DYNC1I1: variants seen among roughly 807,000 people sequenced by gnomAD.
The protein encoded by DYNC1I1 is dynein cytoplasmic 1 intermediate chain 1.
A neutral mutation model predicts 86.6 loss-of-function variants in DYNC1I1; 43 were observed. The observed-to-expected ratio is 0.50, with a 90% CI of 0.39 to 0.64. The LOEUF is 0.64. Ranked by LOEUF, DYNC1I1 falls within the 30% of genes least tolerant of loss-of-function variation. The pLI is 0.00. For synonymous variants in DYNC1I1, 262 were observed against 283.7 expected (o/e 0.92, Z 0.77); for missense variants, 604 against 788.8 (o/e 0.77, Z 2.81).
chr7:95,921,245 C>T (rs1791602810), intron 6 of DYNC1I1, among the ~76,000 whole-genome samples: 1 of 152,064 alleles, frequency 6.6e-6, no homozygotes, highest in African/African-American at 2.4e-5. Context: ...TAAAATTTAC[C>T]CTGCATATTG....
Position 96,002,895 on chromosome 7 carries a change from G to A in DYNC1I1, c.969+6822G>A, listed in dbSNP as rs148535865. Among the ~76,000 whole-genome samples the A allele has an allele frequency of 4.7e-3, 712 of 151,852 alleles. 9 individuals are homozygous for A. Among genetic ancestry groups the A allele is most frequent in the African/African-American group, 0.016 (657 of 41,360 alleles). ...AATCTTGCTCTGTCATGAGGCTGGCGTACAGCAGCACGATCTCAGCTCACT... is the reference window on the plus strand; with the variant it reads ...AATCTTGCTCTGTCATGAGGCTGGCATACAGCAGCACGATCTCAGCTCACT... On this transcript the variant is annotated intron_variant, in intron 10 of 16. Coordinates refer to ENST00000447467, the MANE Select transcript of DYNC1I1 (RefSeq NM_001135556.2).
intron 1 of DYNC1I1, among the ~76,000 whole-genome samples, chr7:95,792,537 A>G (rs1048767112): frequency 1.3e-5 from 2 of 152,192 alleles, no homozygotes; most frequent in African/African-American, 4.8e-5. Flanking sequence ...TGTTTTGGCC[A>G]GTCAATGTTT....
intron 6 of DYNC1I1, among the ~76,000 whole-genome samples, chr7:95,971,110 G>C (rs1793158292): frequency 1.3e-5 from 2 of 152,174 alleles, no homozygotes; most frequent in African/African-American, 4.8e-5. Context: ...TGTCAGGTGT[G>C]AGGTGCCCCT....
intron 6 of DYNC1I1, among the ~76,000 whole-genome samples, chr7:95,882,101 T>A (rs1790469496): frequency 6.6e-6 from 1 of 152,152 alleles, no homozygotes; most frequent in South Asian, 2.1e-4. Flanking sequence ...TCCAAAACCA[T>A]CTTCTTTCCC....
intron 6 of DYNC1I1, among the ~76,000 whole-genome samples, chr7:95,876,101 A>G (rs1215185160): frequency 6.6e-6 from 1 of 150,964 alleles, no homozygotes; most frequent in Admixed American, 6.5e-5. Context: ...GATCTATTGC[A>G]TGGTGGTCTC....
At chr7:95,778,385 T>A (rs1241427916) in intron 1 of DYNC1I1, among the ~76,000 whole-genome samples, 1 of 152,176 alleles carries the variant, frequency 6.6e-6, no homozygotes, top group African/African-American at 2.4e-5. Context: ...GGTATGCAAA[T>A]GCCAGTTTGA....
chr7:95,851,446 T>G (rs147772451), intron 5 of DYNC1I1, among the ~76,000 whole-genome samples: 7 of 152,208 alleles, frequency 4.6e-5, no homozygotes, highest in Non-Finnish European at 7.3e-5. Context: ...TTTAATATTT[T>G]TAGATCACAG....
chr7:96,053,070 A>G (rs1445757485), intron 14 of DYNC1I1, among the ~76,000 whole-genome samples: 2 of 152,202 alleles, frequency 1.3e-5, no homozygotes, highest in African/African-American at 4.8e-5. Context: ...TGATTGGATT[A>G]TGAATGCACA....
intron 7 of DYNC1I1, 68 bp downstream of exon 7, chr7:95,977,669 G>A: frequency 7.0e-7 from 1 of 1,438,778 alleles, no homozygotes; most frequent in Non-Finnish European, 9.5e-7. Context: ...ACTAATATAA[G>A]AGACTATAGA....
intron 8 of DYNC1I1, among the ~76,000 whole-genome samples, chr7:95,986,792 T>C (rs1230229488): frequency 2.0e-5 from 3 of 151,902 alleles, no homozygotes; most frequent in Non-Finnish European, 2.9e-5. Flanking sequence ...AGCTTGGGAC[T>C]GGTCAAGATG....
At chr7:95,870,086 TAA>T in intron 6 of DYNC1I1, 88 bp downstream of exon 6, 4 of 1,141,400 alleles carry the variant, frequency 3.5e-6, no homozygotes, top group Non-Finnish European at 2.5e-6. Context: ...CCTCTTACCA[TAA>T]GAGCTCTTCA....
chr7:95,982,818 GT>G (rs2115672255), intron 7 of DYNC1I1, among the ~76,000 whole-genome samples: 1 of 152,160 alleles, frequency 6.6e-6, no homozygotes, highest in South Asian at 2.1e-4. Context: ...ACTTAGTAGG[GT>G]TTGTTCCCCT....
At chr7:96,090,229 C>T (rs1163307980) in intron 16 of DYNC1I1, among the ~76,000 whole-genome samples, 2 of 151,760 alleles carry the variant, frequency 1.3e-5, no homozygotes, top group Non-Finnish European at 2.9e-5. Context: ...ACTCTTTCTT[C>T]GGATATTTGT....
At chr7:95,800,411 G>A (rs1283216172) in intron 1 of DYNC1I1, among the ~76,000 whole-genome samples, 3 of 152,104 alleles carry the variant, frequency 2.0e-5, no homozygotes, top group African/African-American at 7.2e-5. Flanking sequence ...GCTATGATGT[G>A]GGGGTGGAGG....
chr7:95,940,473 A>G (rs1322383884), intron 6 of DYNC1I1, among the ~76,000 whole-genome samples: 33 of 151,988 alleles, frequency 2.2e-4, no homozygotes, highest in Non-Finnish European at 4.4e-5. Flanking sequence ...ATAGTCCCAT[A>G]TTTCTTGGAG....
chr7:96,052,979 T>G (rs1470459219), intron 14 of DYNC1I1, among the ~76,000 whole-genome samples: 1 of 152,190 alleles, frequency 6.6e-6, no homozygotes, highest in Non-Finnish European at 1.5e-5. Flanking sequence ...TGATGACTGC[T>G]CTATCAAATT....
At chr7:95,840,305 T>G (rs1468903108) in intron 5 of DYNC1I1, among the ~76,000 whole-genome samples, 1 of 152,172 alleles carries the variant, frequency 6.6e-6, no homozygotes, top group Non-Finnish European at 1.5e-5. Flanking sequence ...GGATTTCCAG[T>G]GAGCTGTCTT....
chr7:96,001,924 T>A (rs1704388736), intron 10 of DYNC1I1, among the ~76,000 whole-genome samples: 2 of 152,194 alleles, frequency 1.3e-5, no homozygotes, highest in Non-Finnish European at 1.5e-5. Context: ...AGTATTCTCT[T>A]TACATCTGTT....
At position 96,018,818 on chromosome 7, in the gene DYNC1I1, G is replaced by A. The variant is rs557455599; in HGVS notation, c.970-9357G>A. Among the ~76,000 whole-genome samples the A allele has an allele frequency of 1.6e-4, 24 of 152,248 alleles. 1 individual carries two copies. Among genetic ancestry groups the A allele is most frequent in the African/African-American group, 4.8e-4 (20 of 41,566 alleles). Reference sequence around the variant, plus strand: ...GTTGGGCTGGTTGTGAAAATGACACGATTCCATAAGGGAAATATCCAGACC... The same window carrying A: ...GTTGGGCTGGTTGTGAAAATGACACAATTCCATAAGGGAAATATCCAGACC... On this transcript the variant is annotated intron_variant, in intron 10 of 16. Coordinates refer to ENST00000447467, the MANE Select transcript of DYNC1I1 (RefSeq NM_001135556.2).
Sources: allele counts gnomAD v4.1 joint callset (sites outside exome capture counted in the v4.1 genomes callset), GRCh38; gene constraint gnomAD v4.1.1; transcripts MANE v1.5; gene names NCBI Gene and HGNC (gene_info 2026-07-23, HGNC 2026-07-21).